UIMC1: variants seen among roughly 807,000 people sequenced by gnomAD.
UIMC1 encodes BRCA1-A complex subunit RAP80.
In UIMC1, 42 loss-of-function variants were observed where a neutral mutation model predicts 84.9. The ratio of observed to expected loss-of-function variants is 0.49; its 90% CI spans 0.39 to 0.64. The LOEUF is 0.64. Among genes scored for constraint, UIMC1 ranks in the 30% least tolerant of loss-of-function variants. UIMC1 has a pLI of 0.00. For synonymous variants in UIMC1, 281 were observed against 293.0 expected, an observed-to-expected ratio of 0.96 and a Z score of 0.42; for missense variants, 825 against 847.6, an observed-to-expected ratio of 0.97 and a Z score of 0.33.
rs142063682 is a variant in UIMC1 at position 176,934,737 on chromosome 5, C to G, written c.1597+8598G>C. The stretch of plus-strand genomic sequence containing the variant: ...CATCTACTTGGTTACAGTGACTACA[C>G]CGTAAGTGGACACTTCAATCAAGAA... On this transcript the variant is annotated intron_variant, in intron 10 of 14. Coordinates refer to ENST00000511320, the MANE Select transcript of UIMC1 (RefSeq NM_001199298.2). Among the ~76,000 whole-genome samples the G allele has an allele frequency of 1.1e-4, 16 of 152,322 alleles. 1 individual carries two copies. The highest frequency in any genetic ancestry group is 3.8e-4 in the African/African-American group (16 of 41,578).
At chr5:177,003,742 G>A (rs900471252) in intron 1 of UIMC1, among the ~76,000 whole-genome samples, 2 of 152,202 alleles carry the variant, frequency 1.3e-5, no homozygotes, top group African/African-American at 4.8e-5. Context: ...CAGCAGAGAT[G>A]AGTATGGGGG....
intron 9 of UIMC1, among the ~76,000 whole-genome samples, chr5:176,950,100 C>CA (rs1554119035): frequency 1.8e-5 from 2 of 108,658 alleles, no homozygotes; most frequent in Non-Finnish European, 3.6e-5. Context: ...AGGAACCTTT[C>CA]TTTTTTTTTT....
chr5:176,974,127 CA>C (rs1195012510), intron 3 of UIMC1, among the ~76,000 whole-genome samples: 4 of 152,018 alleles, frequency 2.6e-5, no homozygotes, highest in Admixed American at 6.6e-5. Flanking sequence ...CCAAATTAAT[CA>C]AAACAATTTT....
At chr5:176,922,167 G>A (rs1001229613) in intron 10 of UIMC1, among the ~76,000 whole-genome samples, 7 of 151,962 alleles carry the variant, frequency 4.6e-5, no homozygotes, top group African/African-American at 1.7e-4. Context: ...TTCTTAAATT[G>A]TATTTATTAT....
At chr5:176,980,624 CTG>C (rs1561873898) in intron 2 of UIMC1, among the ~76,000 whole-genome samples, 1 of 151,856 alleles carries the variant, frequency 6.6e-6, no homozygotes, top group Admixed American at 6.6e-5. Context: ...TCTTTCTAAA[CTG>C]TTATGTTATG....
intron 1 of UIMC1, among the ~76,000 whole-genome samples, chr5:177,019,305 G>T (rs771171075): frequency 3.9e-5 from 6 of 152,080 alleles, no homozygotes; most frequent in African/African-American, 4.8e-5. Flanking sequence ...CCACCCTGAG[G>T]ATTAAATGCT....
chr5:176,921,574 G>C (rs1260135680), intron 10 of UIMC1, among the ~76,000 whole-genome samples: 1 of 152,038 alleles, frequency 6.6e-6, no homozygotes, highest in Non-Finnish European at 1.5e-5. Context: ...CAGTTGCTTG[G>C]GGCAAAACCT....
At chr5:176,951,099 CTGTT>C (rs1442953214) in intron 9 of UIMC1, among the ~76,000 whole-genome samples, 2 of 152,146 alleles carry the variant, frequency 1.3e-5, no homozygotes, top group African/African-American at 4.8e-5. Context: ...TTTTCCAAGA[CTGTT>C]TGTCTCTGTT....
At chr5:176,958,974 T>C (rs1173082811) in intron 6 of UIMC1, among the ~76,000 whole-genome samples, 2 of 152,218 alleles carry the variant, frequency 1.3e-5, no homozygotes, top group African/African-American at 2.4e-5. Context: ...CAGCTGAAGT[T>C]TTCAAGGTTT....
intron 1 of UIMC1, among the ~76,000 whole-genome samples, chr5:176,984,185 G>A (rs1223370141): frequency 2.5e-5 from 3 of 121,374 alleles, no homozygotes; most frequent in East Asian, 2.9e-4. Context: ...CTGCCCGGCC[G>A]CCCCGAATGG....
At chr5:176,935,549 T>C (rs1763623769) in intron 10 of UIMC1, among the ~76,000 whole-genome samples, 3 of 152,196 alleles carry the variant, frequency 2.0e-5, no homozygotes, top group Admixed American at 6.5e-5. Flanking sequence ...CTATGAAACC[T>C]AGGCTATTTC....
At chr5:176,964,995 C>A (rs971987898) in intron 6 of UIMC1, among the ~76,000 whole-genome samples, 2 of 152,140 alleles carry the variant, frequency 1.3e-5, no homozygotes, top group East Asian at 3.8e-4. Flanking sequence ...GTGTCTTCAA[C>A]CTACACCTGA....
intron 10 of UIMC1, among the ~76,000 whole-genome samples, chr5:176,912,879 G>C (rs1392149499): frequency 6.6e-6 from 1 of 152,116 alleles, no homozygotes; most frequent in Non-Finnish European, 1.5e-5. Flanking sequence ...TGTTAGCCAG[G>C]CTGGTCTCAA....
intron 10 of UIMC1, among the ~76,000 whole-genome samples, chr5:176,934,649 G>T (rs1024211176): frequency 2.6e-5 from 4 of 152,210 alleles, no homozygotes; most frequent in African/African-American, 9.6e-5. Flanking sequence ...TTTTCTGACA[G>T]ATACTAACAG....
chr5:176,908,539 C>T lies in UIMC1; in HGVS notation c.1832G>A (p.Arg611Lys). Residue 611 changes from arginine (R) to lysine (K), a missense_variant, in exon 12 of 15, where the codon AGG becomes AAG. Arg to Lys is a conservative substitution (Grantham distance 26). Coordinates refer to ENST00000511320, the MANE Select transcript of UIMC1 (RefSeq NM_001199298.2). ...CSTVEGKWQQ[R>K]LKNPKEKGHS... ...TACACATACCTTTGGGTTCTTCAGC[C>T]TCTGCTGCCACTTCCCCTCCACAGT... 2.5e-6 allele frequency: 4 copies of T among 1,613,844 alleles called. No individual in the cohort carries two copies. The highest frequency in any genetic ancestry group is 3.4e-6 in the Non-Finnish European group (4 of 1,179,904).
intron 1 of UIMC1, among the ~76,000 whole-genome samples, chr5:176,983,401 G>T (rs1218796029): frequency 6.6e-6 from 1 of 151,668 alleles, no homozygotes; most frequent in African/African-American, 2.4e-5. Flanking sequence ...CTCCTGACTG[G>T]TTTTTGTATT....
Position 176,995,572 on chromosome 5 carries a change from G to A in UIMC1, c.-9+11078C>T, listed in dbSNP as rs999701583. 6.1e-5 allele frequency among the ~76,000 whole-genome samples: 9 copies of A among 146,784 alleles called. No homozygotes were observed. In the South Asian group the frequency reaches 1.1e-3, roughly 17 times the overall value. The stretch of plus-strand genomic sequence containing the variant: ...AAAAAAAAAAAAAAAGGCCAGGCAC[G>A]GTGGCTCACACCTGTAATCCTAGCA... On this transcript the variant is annotated intron_variant, in intron 1 of 14. Coordinates refer to ENST00000511320, the MANE Select transcript of UIMC1 (RefSeq NM_001199298.2).
chr5:176,985,109 T>C (rs909878555), intron 1 of UIMC1, among the ~76,000 whole-genome samples: 2 of 152,034 alleles, frequency 1.3e-5, no homozygotes, highest in Non-Finnish European at 2.9e-5. Context: ...AATAAAAATA[T>C]AGAGGAATTT....
intron 2 of UIMC1, chr5:176,980,113 C>A (rs1263537720): frequency 1.3e-5 from 2 of 152,240 alleles, no homozygotes; most frequent in Admixed American, 6.6e-5. Context: ...ACACTCAGCA[C>A]CCCTTACCCC....
Sources: allele counts gnomAD v4.1 joint callset (sites outside exome capture counted in the v4.1 genomes callset), GRCh38; gene constraint gnomAD v4.1.1; transcripts MANE v1.5; gene names NCBI Gene and HGNC (gene_info 2026-07-23, HGNC 2026-07-21).